The following GYS2 variants were observed in gnomAD, a reference collection of about 807,000 sequenced individuals.
GYS2 encodes glycogen [starch] synthase, liver.
GYS2 carries 80 observed loss-of-function variants against 85.6 expected under a neutral mutation model. That is an observed-to-expected ratio of 0.93 (90% CI 0.78 to 1.13). The LOEUF (loss-of-function observed/expected upper bound fraction) is 1.13, where lower values mean the gene tolerates loss of function less well. Among genes scored for constraint, GYS2 ranks in the 50% most tolerant of loss-of-function variants. The pLI is 0.00. For missense variants in GYS2, 881 were observed against 854.9 expected (o/e 1.03, Z -0.38); for synonymous variants, 328 against 300.7 (o/e 1.09, Z -0.94).
chr12:21,580,288 C>G (rs1462491397), intron 2 of GYS2, 54 bp downstream of exon 2: 6 of 1,467,462 alleles, frequency 4.1e-6, no homozygotes, highest in Middle Eastern at 1.7e-4. Context: ...TAGTTACAGT[C>G]TTTTTTCCCA....
chr12:21,540,288 G>T, intron 14 of GYS2, 122 bp downstream of exon 14: 1 of 892,692 alleles, frequency 1.1e-6, no homozygotes, highest in Non-Finnish European at 1.8e-6. Context: ...AGTACATGGA[G>T]ACACTGAGAT....
chr12:21,560,785 T>C (rs1201297434), intron 7 of GYS2, among the ~76,000 whole-genome samples: 5 of 152,168 alleles, frequency 3.3e-5, no homozygotes, highest in Admixed American at 3.3e-4. Context: ...TTTCGTGCCT[T>C]TGACCATCTA....
At chr12:21,583,905 G>A (rs1944541302) in intron 1 of GYS2, among the ~76,000 whole-genome samples, 1 of 152,178 alleles carries the variant, frequency 6.6e-6, no homozygotes, top group Non-Finnish European at 1.5e-5. Context: ...ACATGAGAAA[G>A]GGGCTCAAAT....
intron 4 of GYS2, among the ~76,000 whole-genome samples, chr12:21,570,991 T>G (rs907031893): frequency 6.6e-6 from 1 of 152,228 alleles, no homozygotes; most frequent in African/African-American, 2.4e-5. Flanking sequence ...CTCAATAAAT[T>G]TAGCCATTGT....
chr12:21,557,519 T>C (rs907140889), intron 11 of GYS2, among the ~76,000 whole-genome samples: 10 of 152,262 alleles, frequency 6.6e-5, no homozygotes, highest in African/African-American at 2.4e-4. Context: ...AGTTGAACTT[T>C]ATTAGAAAGA....
chr12:21,600,419 T>C (rs1005686936), intron 1 of GYS2, among the ~76,000 whole-genome samples: 8 of 152,108 alleles, frequency 5.3e-5, no homozygotes, highest in African/African-American at 1.9e-4. Context: ...TGAATCACCA[T>C]GCTGGGCCTT....
intron 1 of GYS2, among the ~76,000 whole-genome samples, chr12:21,594,383 TG>T (rs1944672995): frequency 6.6e-6 from 1 of 152,156 alleles, no homozygotes; most frequent in South Asian, 2.1e-4. Context: ...CTCTTAGCGC[TG>T]AAAAATAAAT....
chr12:21,571,689 G>A (rs993115822), intron 4 of GYS2, among the ~76,000 whole-genome samples: 4 of 152,184 alleles, frequency 2.6e-5, no homozygotes, highest in African/African-American at 9.7e-5. Context: ...AAGGCCGGGA[G>A]TGGTGGCTCA....
At chr12:21,573,985 T>C (rs1267229620) in intron 4 of GYS2, among the ~76,000 whole-genome samples, 159 bp downstream of exon 4, 1 of 152,256 alleles carries the variant, frequency 6.6e-6, no homozygotes. Context: ...ATATGAGCTG[T>C]CTTTCAACCC....
At chr12:21,594,303 GA>G (rs1303378753) in intron 1 of GYS2, among the ~76,000 whole-genome samples, 5 of 152,076 alleles carry the variant, frequency 3.3e-5, no homozygotes, top group Non-Finnish European at 7.4e-5. Context: ...AGGAAAAGAT[GA>G]AGTCAAACTG....
intron 9 of GYS2, 68 bp from the exon 10 acceptor site, chr12:21,559,237 C>T: frequency 1.3e-6 from 1 of 772,600 alleles, no homozygotes; most frequent in East Asian, 2.6e-5. Context: ...TCCTAAGCAT[C>T]AGATTATATA....
chr12:21,546,554 A>G (rs1252047974), intron 11 of GYS2, 84 bp from the exon 12 acceptor site: 1 of 816,298 alleles, frequency 1.2e-6, no homozygotes, highest in Non-Finnish European at 2.0e-6. Context: ...TTATTTCAGT[A>G]CTCTACTATA....
chr12:21,536,702 C>A lies in GYS2; in HGVS notation c.*252G>T, dbSNP rs1031140730. On this transcript the variant is annotated 3_prime_UTR_variant, in exon 16 of 16. Coordinates refer to ENST00000261195, the MANE Select transcript of GYS2 (RefSeq NM_021957.4). ...ATTCACCATTTTAAAAACACTTTTC[C>A]GTCTTCTGCCTTTAATGAGTGCTCC... 6.1e-5 allele frequency: 31 copies of A among 504,866 alleles called. No individual in the cohort carries two copies. The highest frequency in any genetic ancestry group is 8.5e-5 in the Non-Finnish European group (24 of 281,352). The allele number at this position is 504,866 out of a possible 1,614,324, so 31.3% of individuals were successfully genotyped here. A position where few individuals can be genotyped will look rare whatever the true frequency, so the allele number is the denominator to read the frequency against.
chr12:21,596,208 C>G (rs375131557), intron 1 of GYS2, among the ~76,000 whole-genome samples: 84 of 152,216 alleles, frequency 5.5e-4, no homozygotes, highest in African/African-American at 1.9e-3. Context: ...CTTTTTGACA[C>G]TATTCTACAA....
rs186194633 is a variant in GYS2 at position 21,559,999 on chromosome 12, G to T, written c.1170-289C>A. Among the ~76,000 whole-genome samples the T allele has an allele frequency of 1.9e-3, 282 of 152,246 alleles. 2 individuals carry two copies. The highest frequency in any genetic ancestry group is 6.5e-3 in the African/African-American group (271 of 41,542). On this transcript the variant is annotated intron_variant, in intron 8 of 15. Transcript: ENST00000261195. ...GAGCAGAGAGGGGGAGTAGATGAAG[G>T]TATAGGTGTAACAAGACGGGAATTC...
chr12:21,562,957 G>T lies in GYS2; in HGVS notation c.1023C>A (p.Ile341=). The T allele has an allele frequency of 6.2e-7, 1 of 1,610,952 alleles. No homozygotes were observed. Among genetic ancestry groups the T allele is most frequent in the South Asian group, 1.1e-5 (1 of 91,024 alleles). ...RYEFSNKGAD[I]FLESLSRLNF... Reference sequence around the variant, plus strand: ...TTAGCCTGGATAAGGATTCTAGGAAGATGTCAGCTCCTTTGTTTGAAAACT... The same window carrying T: ...TTAGCCTGGATAAGGATTCTAGGAATATGTCAGCTCCTTTGTTTGAAAACT... The change falls in exon 7 of 16, where the codon ATC becomes ATA. Residue 341 remains isoleucine, a synonymous_variant. Coordinates refer to ENST00000261195, the MANE Select transcript of GYS2 (RefSeq NM_021957.4).
At position 21,580,335 on chromosome 12, in the gene GYS2, C is replaced by T; in HGVS notation, c.303+7G>A. ...AGAATTGCCAAGTGAAGTGTCAGTTCCTTTACCTGGCAGCCATGCTTATTC... is the reference window on the plus strand; with the variant it reads ...AGAATTGCCAAGTGAAGTGTCAGTTTCTTTACCTGGCAGCCATGCTTATTC... On this transcript the variant is annotated splice_region_variant and intron_variant, in intron 2 of 15. Coordinates refer to ENST00000261195, the MANE Select transcript of GYS2 (RefSeq NM_021957.4). 1 of 1,610,794 alleles carries T rather than the reference C, an allele frequency of 6.2e-7. No individual in the cohort carries two copies. Among genetic ancestry groups the T allele is most frequent in the East Asian group, 2.2e-5 (1 of 44,864 alleles).
At chr12:21,592,425 T>C (rs546780168) in intron 1 of GYS2, among the ~76,000 whole-genome samples, 33 of 152,056 alleles carry the variant, frequency 2.2e-4, no homozygotes, top group African/African-American at 7.2e-4. Flanking sequence ...TAAAGATAAA[T>C]ATAGACTGAA....
intron 5 of GYS2, among the ~76,000 whole-genome samples, chr12:21,566,725 CATT>C (rs1383055083): frequency 6.6e-6 from 1 of 152,156 alleles, no homozygotes; most frequent in African/African-American, 2.4e-5. Flanking sequence ...GGATTATCCA[CATT>C]ATGCAGATAA....
Sources: gnomAD v4.1 joint callset for allele counts (sites outside exome capture counted in the v4.1 genomes callset) on GRCh38, gnomAD v4.1.1 for gene constraint, MANE v1.5 for transcripts, NCBI Gene and HGNC (gene_info 2026-07-23, HGNC 2026-07-21) for gene names.